AEN: variants seen among roughly 807,000 people sequenced by gnomAD.
The protein encoded by AEN is apoptosis enhancing nuclease.
A neutral mutation model predicts 17.7 loss-of-function variants in AEN; 21 were observed. That is an observed-to-expected ratio of 1.19 (90% CI 0.84 to 1.71). AEN has a LOEUF of 1.71. Among genes scored for constraint, AEN ranks in the 40% most tolerant of loss-of-function variants. The pLI is 0.00. For missense variants in AEN, 462 were observed against 435.9 expected (o/e 1.06, Z -0.53); for synonymous variants, 190 against 173.0 (o/e 1.10, Z -0.77).
chr15:88,628,448 A>T (rs1398499306), intron 2 of AEN: 1 of 151,596 alleles, frequency 6.6e-6, no homozygotes, highest in Non-Finnish European at 1.5e-5. Flanking sequence ...TCCCTGGTGT[A>T]TGAGGAGGGC....
rs377733368 is a variant in AEN at position 88,623,569 on chromosome 15, G to A, written c.-65+2187G>A. Among the ~76,000 whole-genome samples the A allele has an allele frequency of 2.0e-4, 31 of 152,316 alleles. 2 individuals carry two copies. In the South Asian group the frequency reaches 5.6e-3, roughly 28 times the overall value. The stretch of plus-strand genomic sequence containing the variant: ...TAACCTGCCTTCTTACAGCTCTGAG[G>A]TAGACTGTGTGTACCAATGGACTTT... On this transcript the variant is annotated intron_variant, in intron 1 of 3. Transcript: ENST00000332810.
intron 1 of AEN, among the ~76,000 whole-genome samples, chr15:88,622,880 T>A (rs141343220): frequency 6.6e-6 from 1 of 152,316 alleles, no homozygotes; most frequent in East Asian, 1.9e-4. Flanking sequence ...GGAGGTCTCT[T>A]TCTCTCTTCT....
At position 88,631,370 on chromosome 15, in the gene AEN, T is replaced by G. The variant is rs768295246; in HGVS notation, c.*1076T>G. ...TCACTGTGGCTGTTGGGTTTTCTCC[T>G]ATTTCTAAAAATGTTCTCTTCTTTC... On this transcript the variant is annotated 3_prime_UTR_variant, in exon 4 of 4. Coordinates refer to ENST00000332810, the MANE Select transcript of AEN (RefSeq NM_022767.4). 48 of 252,246 alleles carry G rather than the reference T, an allele frequency of 1.9e-4. 1 individual carries two copies. The highest frequency in any genetic ancestry group is 1.0e-3 in the South Asian group (26 of 25,926). The allele number at this position is 252,246 out of a possible 1,614,324, so 15.6% of individuals were successfully genotyped here. A position where few individuals can be genotyped will look rare whatever the true frequency, so the allele number is the denominator to read the frequency against.
Position 88,630,005 on chromosome 15 carries a change from A to T in AEN, c.742-53A>T, listed in dbSNP as rs1172709098. ...GGAAACTGGCCTTGCTTCTTGGGGTAACAGGCCTCTCACTAGGCCTGCAGG... is the reference window on the plus strand; with the variant it reads ...GGAAACTGGCCTTGCTTCTTGGGGTTACAGGCCTCTCACTAGGCCTGCAGG... On this transcript the variant is annotated intron_variant, in intron 3 of 3. Coordinates refer to ENST00000332810, the MANE Select transcript of AEN (RefSeq NM_022767.4). The surrounding 1 kb of genome is among the most constrained non-coding windows in gnomAD (Gnocchi z 5.1). The T allele has an allele frequency of 1.3e-6, 2 of 1,550,410 alleles. No individual in the cohort carries two copies. The highest frequency in any genetic ancestry group is 1.8e-6 in the Non-Finnish European group (2 of 1,124,340).
chr15:88,616,097 TG>T, the AEN span, among the ~76,000 whole-genome samples: 1 of 113,074 alleles, frequency 8.8e-6, no homozygotes, highest in Non-Finnish European at 2.2e-5. Flanking sequence ...AGGCGTTTTT[TG>T]TTTTTTTTTC....
At chr15:88,622,748 C>CCTGGTTTTGGGT (rs901374517) in intron 1 of AEN, among the ~76,000 whole-genome samples, 2 of 152,260 alleles carry the variant, frequency 1.3e-5, no homozygotes, top group East Asian at 1.9e-4. Context: ...CAGGCCCAGG[C>CCTGGTTTTGGGT]CTGGTTTTGG....
At chr15:88,606,860 A>C in the AEN span, among the ~76,000 whole-genome samples, 1 of 151,654 alleles carries the variant, frequency 6.6e-6, no homozygotes, top group Non-Finnish European at 1.5e-5. Flanking sequence ...CCATGGCTTC[A>C]TTTCTCCAGG....
At chr15:88,605,780 G>A in the AEN span, among the ~76,000 whole-genome samples, 1 of 152,310 alleles carries the variant, frequency 6.6e-6, no homozygotes, top group East Asian at 1.9e-4. The surrounding 1 kb of genome is among the most constrained non-coding windows in gnomAD (Gnocchi z 7.6). Flanking sequence ...GGTCCCTGGA[G>A]CCCCTCCCCC....
the AEN span, among the ~76,000 whole-genome samples, chr15:88,608,958 G>T: frequency 4.6e-5 from 7 of 152,312 alleles, no homozygotes; most frequent in African/African-American, 1.7e-4. Context: ...ACTCAGGGAT[G>T]CTGGCATTGG....
chr15:88,616,576 T>G (rs1300748099), upstream of AEN, among the ~76,000 whole-genome samples: 1 of 152,242 alleles, frequency 6.6e-6, no homozygotes, highest in African/African-American at 2.4e-5. Flanking sequence ...AAGATGACAG[T>G]GTGAGACCAC....
chr15:88,609,052 T>G, the AEN span, among the ~76,000 whole-genome samples: 1 of 152,206 alleles, frequency 6.6e-6, no homozygotes, highest in Non-Finnish European at 1.5e-5. Context: ...GAAGAAGTCT[T>G]AATGTGAGTA....
At chr15:88,616,389 G>A (rs2057738807), upstream of AEN, among the ~76,000 whole-genome samples, 1 of 152,180 alleles carries the variant, frequency 6.6e-6, no homozygotes, top group South Asian at 2.1e-4. Flanking sequence ...ACCGCACCTG[G>A]CCTAGGAGGG....
chr15:88,608,742 G>C, the AEN span, among the ~76,000 whole-genome samples: 1 of 152,186 alleles, frequency 6.6e-6, no homozygotes, highest in African/African-American at 2.4e-5. Context: ...CTTTTGGCCT[G>C]AATTTTCAGT....
At chr15:88,610,117 T>C in the AEN span, among the ~76,000 whole-genome samples, 2 of 152,140 alleles carry the variant, frequency 1.3e-5, no homozygotes. Context: ...CTTCTCAAAG[T>C]TTATTTGCCA....
chr15:88,629,330 C>G lies in AEN; in HGVS notation c.645C>G (p.Thr215=). The change falls in exon 3 of 4, where the codon ACC becomes ACG. Residue 215 remains threonine, a synonymous_variant. Coordinates refer to ENST00000332810, the MANE Select transcript of AEN (RefSeq NM_022767.4). ...CTCGGAGCCAGACCCGGGATACGACCTATGTCCCAAACTTCCTCAGCGAGC... is the reference window on the plus strand; with the variant it reads ...CTCGGAGCCAGACCCGGGATACGACGTATGTCCCAAACTTCCTCAGCGAGC... ...VHPRSQTRDT[T]YVPNFLSEPG... is the part of the protein sequence containing the mutation. 1.9e-6 allele frequency: 3 copies of G among 1,614,158 alleles called. No individual in the cohort carries two copies. Among genetic ancestry groups the G allele is most frequent in the Non-Finnish European group, 2.5e-6 (3 of 1,180,016 alleles).
chr15:88,612,245 C>T, the AEN span, among the ~76,000 whole-genome samples: 227 of 152,334 alleles, frequency 1.5e-3, 1 homozygote, highest in African/African-American at 5.0e-3. Context: ...GACTCCACAT[C>T]CTGGGGCTCA....
chr15:88,624,534 G>A (rs1391423730), intron 1 of AEN, among the ~76,000 whole-genome samples: 2 of 152,168 alleles, frequency 1.3e-5, no homozygotes, highest in Non-Finnish European at 2.9e-5. Flanking sequence ...AGAGGGGGTG[G>A]TAGGATCATT....
rs377343095 is a variant in AEN at position 88,629,430 on chromosome 15, C to T, written c.741+4C>T. On this transcript the variant is annotated splice_donor_region_variant and intron_variant, in intron 3 of 3. Coordinates refer to ENST00000332810, the MANE Select transcript of AEN (RefSeq NM_022767.4). ...GCTGCTGCACAAGAAGATCCAGGTG[C>T]GTGGTGGGAGAGTGGCTGGAAGGGA... 47 of 1,612,408 alleles carry T rather than the reference C, an allele frequency of 2.9e-5. No individual in the cohort carries two copies. Among genetic ancestry groups the T allele is most frequent in the Admixed American group, 2.2e-4 (13 of 59,952 alleles).
rs755224612 is a variant in AEN at position 88,629,206 on chromosome 15, A to T, written c.541-20A>T. ...GATGGGGTGTGGGGTGACCTCCCTG[A>T]CTCCTCTTTCTGCTCACAGATCCTT... On this transcript the variant is annotated intron_variant, in intron 2 of 3. Coordinates refer to ENST00000332810, the MANE Select transcript of AEN (RefSeq NM_022767.4). The T allele has an allele frequency of 1.2e-6, 2 of 1,612,472 alleles. No individual in the cohort carries two copies. The highest frequency in any genetic ancestry group is 2.2e-5 in the East Asian group (1 of 44,824).
Sources: allele counts gnomAD v4.1 joint callset (sites outside exome capture counted in the v4.1 genomes callset), GRCh38; gene constraint gnomAD v4.1.1; non-coding constraint Gnocchi (gnomAD v3.1); transcripts MANE v1.5; gene names NCBI Gene and HGNC (gene_info 2026-07-23, HGNC 2026-07-21).